SRPK2: variants seen among roughly 807,000 people sequenced by gnomAD.
SRPK2 encodes the protein SFRS protein kinase 2.
In SRPK2, 21 loss-of-function variants were observed where a neutral mutation model predicts 90.8. The observed-to-expected ratio is 0.23, with a 90% CI of 0.16 to 0.33. The LOEUF (loss-of-function observed/expected upper bound fraction) is 0.33, where lower values mean the gene tolerates loss of function less well. Ranked by LOEUF, SRPK2 falls within the 10% of genes least tolerant of loss-of-function variation. The probability of loss-of-function intolerance (pLI) is 1.00; values close to 1 mark genes in which losing one functional copy is unlikely to be tolerated. For synonymous variants in SRPK2, 288 were observed against 311.1 expected, an observed-to-expected ratio of 0.93 and a Z score of 0.78; for missense variants, 620 against 869.0, an observed-to-expected ratio of 0.71 and a Z score of 3.60.
chr7:105,115,266 A>G (rs772950554), downstream of SRPK2: 4 of 152,252 alleles, frequency 2.6e-5, no homozygotes, highest in Admixed American at 6.5e-5. Context: ...CTCTACTCCA[A>G]TGGAAAGTTT....
intron 2 of SRPK2, among the ~76,000 whole-genome samples, chr7:105,336,884 CCT>C (rs1361587948): frequency 6.6e-6 from 1 of 151,510 alleles, no homozygotes; most frequent in Non-Finnish European, 1.5e-5. Context: ...CTCACTGCAA[CCT>C]CTGACTCCAG....
intron 7 of SRPK2, among the ~76,000 whole-genome samples, chr7:105,158,746 C>A (rs1431556126): frequency 6.6e-6 from 1 of 150,486 alleles, no homozygotes; most frequent in Non-Finnish European, 1.5e-5. Context: ...CAAGATTTAT[C>A]AAAAATAATT....
intron 2 of SRPK2, chr7:105,298,873 A>G: frequency 4.9e-6 from 4 of 818,934 alleles, no homozygotes; most frequent in Non-Finnish European, 5.9e-6. Flanking sequence ...CAGGGAGACA[A>G]TGTAGGCCAA....
chr7:105,389,821 C>A (rs943355165), upstream of SRPK2, among the ~76,000 whole-genome samples: 5 of 152,138 alleles, frequency 3.3e-5, no homozygotes, highest in Admixed American at 1.3e-4. Context: ...TAAATAATTA[C>A]AATAGTTTTT....
At chr7:105,182,552 A>G (rs1793019861) in intron 3 of SRPK2, among the ~76,000 whole-genome samples, 1 of 151,414 alleles carries the variant, frequency 6.6e-6, no homozygotes, top group Non-Finnish European at 1.5e-5. Context: ...CCTGGGTTCA[A>G]GCAACTCTTG....
intron 3 of SRPK2, among the ~76,000 whole-genome samples, chr7:105,193,819 C>A (rs1451110509): frequency 1.3e-5 from 2 of 152,186 alleles, no homozygotes; most frequent in East Asian, 3.8e-4. Context: ...CAAAACCCTA[C>A]AATCCAGATG....
chr7:105,216,043 G>A (rs1374826090), intron 2 of SRPK2, among the ~76,000 whole-genome samples: 1 of 149,662 alleles, frequency 6.7e-6, no homozygotes, highest in Admixed American at 6.6e-5. Flanking sequence ...CTCCAGCCTG[G>A]GCAATAGAGC....
chr7:105,266,729 A>G (rs35696130), intron 2 of SRPK2, among the ~76,000 whole-genome samples: 6,399 of 152,232 alleles, frequency 0.042, 212 homozygotes, highest in Non-Finnish European at 0.063. Context: ...TGATAATGCT[A>G]CATGATATTG....
chr7:105,386,182 CG>C (rs1203874318), intron 2 of SRPK2, among the ~76,000 whole-genome samples: 1 of 151,876 alleles, frequency 6.6e-6, no homozygotes, highest in African/African-American at 2.4e-5. Context: ...GGCGTGGTGG[CG>C]GGCGCCTGTA....
chr7:105,278,259 G>A (rs1806780656), intron 2 of SRPK2, among the ~76,000 whole-genome samples: 1 of 149,988 alleles, frequency 6.7e-6, no homozygotes, highest in South Asian at 2.1e-4. Flanking sequence ...AGGTTGCAGT[G>A]AGCTGAGATC....
chr7:105,283,487 A>C (rs761245517), intron 2 of SRPK2, among the ~76,000 whole-genome samples: 9 of 152,210 alleles, frequency 5.9e-5, no homozygotes, highest in Non-Finnish European at 1.2e-4. Flanking sequence ...GAACGCTGAA[A>C]ACATTATGCT....
chr7:105,247,292 G>T (rs758575284), intron 2 of SRPK2, among the ~76,000 whole-genome samples: 2 of 152,188 alleles, frequency 1.3e-5, no homozygotes, highest in Admixed American at 6.5e-5. Context: ...GCTTGGGTAA[G>T]TTATCTCACA....
At chr7:105,195,169 C>G (rs982746105) in intron 3 of SRPK2, among the ~76,000 whole-genome samples, 1 of 152,226 alleles carries the variant, frequency 6.6e-6, no homozygotes, top group Admixed American at 6.5e-5. Context: ...CCTGCCTCCG[C>G]CTCCCGAGGA....
At chr7:105,154,245 C>T (rs1014932677) in intron 7 of SRPK2, among the ~76,000 whole-genome samples, 2 of 152,200 alleles carry the variant, frequency 1.3e-5, no homozygotes, top group Non-Finnish European at 2.9e-5. Flanking sequence ...AGCAATGGCT[C>T]AGGAAAGCAG....
At chr7:105,181,458 T>C (rs1792795688) in intron 3 of SRPK2, among the ~76,000 whole-genome samples, 1 of 152,142 alleles carries the variant, frequency 6.6e-6, no homozygotes, top group Admixed American at 6.6e-5. Flanking sequence ...GACAAAGGCA[T>C]GGAAGCAATG....
chr7:105,216,025 C>T (rs1042417682), intron 2 of SRPK2, among the ~76,000 whole-genome samples: 3 of 150,646 alleles, frequency 2.0e-5, no homozygotes, highest in African/African-American at 7.4e-5. Flanking sequence ...CTGTAAATAG[C>T]CACTGCACTC....
intron 6 of SRPK2, among the ~76,000 whole-genome samples, chr7:105,165,671 T>A (rs1381960814): frequency 2.6e-5 from 4 of 152,190 alleles, no homozygotes; most frequent in Admixed American, 2.0e-4. Context: ...AATGCACCAA[T>A]CAGCACTCTG....
chr7:105,360,114 T>G (rs1818262875), intron 2 of SRPK2, among the ~76,000 whole-genome samples: 1 of 152,218 alleles, frequency 6.6e-6, no homozygotes, highest in African/African-American at 2.4e-5. Context: ...GTTGAATTGA[T>G]CCCTTTACCA....
chr7:105,146,803 G>T, intron 7 of SRPK2, 145 bp from the exon 8 acceptor site: 1 of 802,678 alleles, frequency 1.2e-6, no homozygotes, highest in Non-Finnish European at 1.9e-6. Flanking sequence ...TCCCTCCCAT[G>T]CCTACCCACA....
Sources: allele counts gnomAD v4.1 joint callset (sites outside exome capture counted in the v4.1 genomes callset), GRCh38; gene constraint gnomAD v4.1.1; transcripts MANE v1.5; gene names NCBI Gene and HGNC (gene_info 2026-07-23, HGNC 2026-07-21).